The following ATG101 variants were observed in gnomAD, a reference collection of about 807,000 sequenced individuals.
ATG101 encodes the protein autophagy-related protein 101.
A neutral mutation model predicts 16.7 loss-of-function variants in ATG101; 6 were observed. That is an observed-to-expected ratio of 0.36 (90% CI 0.20 to 0.71). The LOEUF is 0.71. ATG101 is among the 30% of genes least tolerant of loss of function. The probability of loss-of-function intolerance (pLI) is 0.57; values close to 1 mark genes in which losing one functional copy is unlikely to be tolerated. For missense variants in ATG101, 200 were observed against 292.5 expected (o/e 0.68, Z 2.31); for synonymous variants, 108 against 118.1 (o/e 0.91, Z 0.56).
intron 3 of ATG101, among the ~76,000 whole-genome samples, chr12:52,076,192 C>T (rs1939727097): frequency 6.6e-6 from 1 of 151,900 alleles, no homozygotes; most frequent in Non-Finnish European, 1.5e-5. Context: ...GTTTAATTGG[C>T]AGTGGAGAAG....
intron 2 of ATG101, chr12:52,070,685 G>T (rs1939632690): frequency 6.6e-6 from 1 of 152,368 alleles, no homozygotes; most frequent in Non-Finnish European, 1.5e-5. Flanking sequence ...AATGGGGTTG[G>T]TCAGGACTGA....
chr12:52,076,172 A>G (rs1185882018), intron 3 of ATG101, among the ~76,000 whole-genome samples: 1 of 152,138 alleles, frequency 6.6e-6, no homozygotes, highest in Non-Finnish European at 1.5e-5. Flanking sequence ...AAAAATATCA[A>G]AAGAATTATG....
chr12:52,076,976 T>C lies in ATG101; in HGVS notation c.443T>C (p.Leu148Pro), dbSNP rs1206600931. The C allele has an allele frequency of 6.2e-7, 1 of 1,613,990 alleles. No individual in the cohort carries two copies. The highest frequency in any genetic ancestry group is 8.5e-7 in the Non-Finnish European group (1 of 1,180,020). ...QICREKVGEK[L>P]CEKIINIVEV... ...TGCCGGGAGAAGGTGGGTGAGAAAC[T>C]CTGCGAGAAGATCATCAACATCGTG... The change falls in exon 4 of 4, where the codon CTC becomes CCC. Residue 148 changes from leucine (L) to proline (P), a missense_variant. By Grantham distance (98) the Leu-to-Pro change is moderately conservative. Transcript: ENST00000336854.
intron 3 of ATG101, 107 bp from the exon 4 acceptor site, chr12:52,076,679 A>C: frequency 7.6e-7 from 1 of 1,319,570 alleles, no homozygotes; most frequent in South Asian, 1.5e-5. Flanking sequence ...CCATGCTTGG[A>C]TGATGACTAG....
upstream of ATG101, among the ~76,000 whole-genome samples, chr12:52,068,851 CGTG>C (rs1328168488): frequency 6.6e-6 from 1 of 151,096 alleles, no homozygotes; most frequent in African/African-American, 2.4e-5. Context: ...ATTAGCCGGG[CGTG>C]GTGGTGGGCG....
Position 52,077,465 on chromosome 12 carries a change from G to A in ATG101, c.*275G>A. 2.3e-6 allele frequency: 1 copy of A among 438,166 alleles called. No homozygotes were observed. The highest frequency in any genetic ancestry group is 4.1e-6 in the Non-Finnish European group (1 of 244,090). 27.1% of individuals were successfully genotyped at this position (438,166 alleles called of 1,614,324 possible). On this transcript the variant is annotated 3_prime_UTR_variant, in exon 4 of 4. Transcript: ENST00000336854. ...ACAGAAGAGCCACCACTGGGATGGG[G>A]AATAAAGTTGAGAACATGAGTTTGG...
intron 3 of ATG101, 55 bp downstream of exon 3, chr12:52,073,957 G>C (rs945305415): frequency 3.2e-6 from 5 of 1,586,484 alleles, no homozygotes; most frequent in Admixed American, 3.4e-5. Context: ...TGGCAGGGGG[G>C]CCTCGAGTGC....
chr12:52,065,559 G>A (rs1939540582), upstream of ATG101, among the ~76,000 whole-genome samples: 1 of 152,200 alleles, frequency 6.6e-6, no homozygotes, highest in African/African-American at 2.4e-5. Context: ...ACCCAGGGTT[G>A]CAGTGAGAAT....
At chr12:52,069,742 C>G (rs550319243), upstream of ATG101, 1 of 145,906 alleles carries the variant, frequency 6.9e-6, no homozygotes, top group African/African-American at 2.5e-5. Flanking sequence ...GCTGAATGGA[C>G]TCGTCCACAT....
Position 52,077,446 on chromosome 12 carries a change from G to C in ATG101, c.*256G>C. 1 of 510,054 alleles carries C rather than the reference G, an allele frequency of 2.0e-6. No homozygotes were observed. Among genetic ancestry groups the C allele is most frequent in the East Asian group, 3.2e-5 (1 of 31,456 alleles). The allele number at this position is 510,054 out of a possible 1,614,324, so 31.6% of individuals were successfully genotyped here. On this transcript the variant is annotated 3_prime_UTR_variant, in exon 4 of 4. Transcript: ENST00000336854. ...CCCCTTCTTTCTCCACTGTACAGAA[G>C]AGCCACCACTGGGATGGGGAATAAA...
In ATG101 at chr12:52,076,640, G is replaced by A. The variant is rs138926016; in HGVS notation, c.253-146G>A. ...TTTGCTGTGTCACTAAGCCCAAATC[G>A]TTTACCCTCTCCCAGTCTTGTTTCC... On this transcript the variant is annotated intron_variant, in intron 3 of 3. Transcript: ENST00000336854. 1.7e-4 allele frequency: 172 copies of A among 1,001,328 alleles called. 1 individual carries two copies. In the East Asian group the frequency reaches 4.3e-3, roughly 25 times the overall value. 62.0% of individuals were successfully genotyped at this position (1,001,328 alleles called of 1,614,324 possible).
chr12:52,074,052 G>A (rs913644225), intron 3 of ATG101, 150 bp downstream of exon 3: 10 of 1,225,682 alleles, frequency 8.2e-6, no homozygotes, highest in African/African-American at 6.0e-5. Context: ...AAACAGATGT[G>A]TTGAGAGCTC....
chr12:52,076,648 T>C, intron 3 of ATG101, 138 bp from the exon 4 acceptor site: 2 of 1,063,280 alleles, frequency 1.9e-6, no homozygotes, highest in East Asian at 2.6e-5. Flanking sequence ...TCGTTTACCC[T>C]CTCCCAGTCT....
Position 52,077,184 on chromosome 12 carries a change from C to T in ATG101, c.651C>T (p.Ala217=), listed in dbSNP as rs200104884. The change falls in exon 4 of 4, where the codon GCC becomes GCT. Residue 217 remains alanine, a synonymous_variant. Coordinates refer to ENST00000336854, the MANE Select transcript of ATG101 (RefSeq NM_021934.5). ...GCAGGCTCATCAAAGACACCCTTGC[C>T]CTCTGAGCGTCGCTGGATCTCTGGG... ...TMRRLIKDTL[A]L 1.5e-4 allele frequency: 243 copies of T among 1,611,650 alleles called. No homozygotes were observed. The highest frequency in any genetic ancestry group is 1.9e-4 in the Non-Finnish European group (228 of 1,177,930).
chr12:52,073,463 A>G, intron 2 of ATG101, 112 bp from the exon 3 acceptor site: 1 of 686,302 alleles, frequency 1.5e-6, no homozygotes, highest in Non-Finnish European at 2.4e-6. Context: ...GTGTGCTGCC[A>G]AAATGCAGAG....
chr12:52,077,086 G>C lies in ATG101; in HGVS notation c.553G>C (p.Val185Leu). Residue 185 changes from valine (V) to leucine (L), a missense_variant, in exon 4 of 4, where the codon GTG becomes CTG. Transcript: ENST00000336854. ...DNVFDTGLRDVQPYLYKISFQ... is the reference protein window; with the variant it reads ...DNVFDTGLRDLQPYLYKISFQ... ...CGTGTTTGACACAGGCTTGCGGGAC[G>C]TGCAGCCCTACCTGTACAAGATCTC... 1.9e-6 allele frequency: 3 copies of C among 1,614,184 alleles called. No individual in the cohort carries two copies. Among genetic ancestry groups the C allele is most frequent in the Non-Finnish European group, 2.5e-6 (3 of 1,180,032 alleles).
At chr12:52,072,615 G>A (rs1254890350) in intron 2 of ATG101, among the ~76,000 whole-genome samples, 8 of 152,070 alleles carry the variant, frequency 5.3e-5, no homozygotes, top group Non-Finnish European at 1.2e-4. Context: ...GTGAGATTTG[G>A]TATATGTGTG....
intron 3 of ATG101, among the ~76,000 whole-genome samples, chr12:52,074,847 C>T (rs779954986): frequency 6.6e-6 from 1 of 152,108 alleles, no homozygotes; most frequent in African/African-American, 2.4e-5. Context: ...TAGTTCCAGA[C>T]GCTTGAGCAG....
Position 52,077,463 on chromosome 12 carries a change from G to C in ATG101, c.*273G>C. The stretch of plus-strand genomic sequence containing the variant: ...GTACAGAAGAGCCACCACTGGGATG[G>C]GGAATAAAGTTGAGAACATGAGTTT... On this transcript the variant is annotated 3_prime_UTR_variant, in exon 4 of 4. Transcript: ENST00000336854. 2.2e-6 allele frequency: 1 copy of C among 452,116 alleles called. No homozygotes were observed. Among genetic ancestry groups the C allele is most frequent in the South Asian group, 3.6e-5 (1 of 27,638 alleles). The allele number at this position is 452,116 out of a possible 1,614,324, so 28.0% of individuals were successfully genotyped here. A position where few individuals can be genotyped will look rare whatever the true frequency, so the allele number is the denominator to read the frequency against.
Sources: gnomAD v4.1 joint callset for allele counts (sites outside exome capture counted in the v4.1 genomes callset) on GRCh38, gnomAD v4.1.1 for gene constraint, MANE v1.5 for transcripts, NCBI Gene and HGNC (gene_info 2026-07-23, HGNC 2026-07-21) for gene names.